Variants in IDH2 observed in about 807,000 individuals in gnomAD.
IDH2 encodes isocitrate dehydrogenase [NADP], mitochondrial.
A neutral mutation model predicts 50.5 loss-of-function variants in IDH2; 18 were observed. The observed-to-expected ratio is 0.36, with a 90% CI of 0.25 to 0.53. The LOEUF is 0.53. Among genes scored for constraint, IDH2 ranks in the 20% least tolerant of loss-of-function variants. The pLI is 0.92. For synonymous variants in IDH2, 280 were observed against 239.8 expected (o/e 1.17, Z -1.55); for missense variants, 518 against 610.7 (o/e 0.85, Z 1.60).
chr15:90,101,694 C>T (rs1239394034), intron 1 of IDH2, among the ~76,000 whole-genome samples: 1 of 150,064 alleles, frequency 6.7e-6, no homozygotes, highest in East Asian at 2.0e-4. Flanking sequence ...GGGGTGGGGG[C>T]GGCCAAACAA....
intron 1 of IDH2, among the ~76,000 whole-genome samples, chr15:90,092,342 CTTCCTTTCCTTTCT>C (rs371155026): frequency 1.2e-4 from 8 of 64,836 alleles, no homozygotes; most frequent in Non-Finnish European, 1.6e-4. Flanking sequence ...TCCTTACTTA[CTTCCTTTCCTTTCT>C]TTCCTTCCTT....
rs9652515 is a variant in IDH2, at chr15:90,098,527, C to T, written c.115+3749G>A. 0.34 allele frequency among the ~76,000 whole-genome samples: 49,590 copies of T among 144,646 alleles called. 9,300 individuals carry two copies. The highest frequency in any genetic ancestry group is 0.55 in the African/African-American group (21,318 of 39,032). The allele number at this position is 144,646 out of a possible 152,430, so 94.9% of individuals were successfully genotyped here. A position where few individuals can be genotyped will look rare whatever the true frequency, so the allele number is the denominator to read the frequency against. ...TTATGTATGTATGTATGTATGTATG[C>T]ATGCATGTATGTATGTATGTATGTA... On this transcript the variant is annotated intron_variant, in intron 1 of 10. Transcript: ENST00000330062. This position sits in a 1 kb window ranked among gnomAD's most constrained non-coding sequence, Gnocchi z 5.1.
At position 90,087,711 on chromosome 15, in the gene IDH2, C is replaced by T. The variant is rs1332481925; in HGVS notation, c.679-136G>A. 7.7e-6 allele frequency: 7 copies of T among 906,596 alleles called. No homozygotes were observed. The African/African-American group carries it at 8.1e-5, about 11-fold the overall frequency. The allele number at this position is 906,596 out of a possible 1,614,324, so 56.2% of individuals were successfully genotyped here. On this transcript the variant is annotated intron_variant, in intron 5 of 10. Coordinates refer to ENST00000330062, the MANE Select transcript of IDH2 (RefSeq NM_002168.4). The stretch of plus-strand genomic sequence containing the variant: ...CACGCGACTGTTTAACACCAGCCTC[C>T]GTGCAGTGCACACGATGTTTCTGCT...
At chr15:90,099,350 C>T (rs543718451) in intron 1 of IDH2, among the ~76,000 whole-genome samples, 1 of 152,270 alleles carries the variant, frequency 6.6e-6, no homozygotes, top group African/African-American at 2.4e-5. Flanking sequence ...CCCCCAATAC[C>T]GAAAATGGCC....
Position 90,083,982 on chromosome 15 carries a change from G to T in IDH2, c.*284C>A. On this transcript the variant is annotated 3_prime_UTR_variant, in exon 11 of 11. Transcript: ENST00000330062. ...AGGGACAAACACAGCAGACAATTTTGTGAAGAGCTTTTTAGTAGCTAAATA... is the reference window on the plus strand; with the variant it reads ...AGGGACAAACACAGCAGACAATTTTTTGAAGAGCTTTTTAGTAGCTAAATA... The T allele has an allele frequency of 2.0e-6, 1 of 506,660 alleles. No homozygotes were observed. The highest frequency in any genetic ancestry group is 3.6e-6 in the Non-Finnish European group (1 of 276,892). 31.4% of individuals were successfully genotyped at this position (506,660 alleles called of 1,614,324 possible).
At chr15:90,092,307 G>A (rs1257772951) in intron 1 of IDH2, among the ~76,000 whole-genome samples, 1 of 152,112 alleles carries the variant, frequency 6.6e-6, no homozygotes, top group African/African-American at 2.4e-5. Flanking sequence ...GGGAACTGCT[G>A]GTTTAGAGCA....
rs1026324902 is a variant in IDH2, at chr15:90,100,831, G to A, written c.115+1445C>T. On this transcript the variant is annotated intron_variant, in intron 1 of 10. Transcript: ENST00000330062. This position sits in a 1 kb window ranked among gnomAD's most constrained non-coding sequence, Gnocchi z 4.1. ...CCCATTCATAACCAACCCACATGGGGACTTCTAGAAGGGCCTGCAACTGAC... is the reference window on the plus strand; with the variant it reads ...CCCATTCATAACCAACCCACATGGGAACTTCTAGAAGGGCCTGCAACTGAC... 2 of 167,950 alleles carry A rather than the reference G, an allele frequency of 1.2e-5. No homozygotes were observed. Among genetic ancestry groups the A allele is most frequent in the African/African-American group, 4.8e-5 (2 of 41,654 alleles). 10.4% of individuals were successfully genotyped at this position (167,950 alleles called of 1,614,324 possible).
intron 1 of IDH2, among the ~76,000 whole-genome samples, chr15:90,092,329 C>T (rs1041370156): frequency 1.2e-4 from 16 of 134,654 alleles, no homozygotes; most frequent in African/African-American, 3.0e-4. Flanking sequence ...CTGGATCCAT[C>T]CATCCTTACT....
At chr15:90,090,681 T>C (rs969260594) in intron 2 of IDH2, 37 bp from the exon 3 acceptor site, 1 of 1,609,912 alleles carries the variant, frequency 6.2e-7, no homozygotes, top group Non-Finnish European at 8.5e-7. Context: ...GTCACCCCAG[T>C]GACTCAGGGA....
intron 3 of IDH2, among the ~76,000 whole-genome samples, chr15:90,089,433 C>T (rs1900972694): frequency 6.6e-6 from 1 of 152,184 alleles, no homozygotes; most frequent in Non-Finnish European, 1.5e-5. Flanking sequence ...AAGGACTTGT[C>T]TGACGAAGCC....
rs1900782861 is a variant in IDH2, at chr15:90,083,783, T to G, written c.*483A>C. 1 of 229,598 alleles carries G rather than the reference T, an allele frequency of 4.4e-6. No homozygotes were observed. Among genetic ancestry groups the G allele is most frequent in the Non-Finnish European group, 8.8e-6 (1 of 113,740 alleles). 14.2% of individuals were successfully genotyped at this position (229,598 alleles called of 1,614,324 possible). ...AAATTCCAGGGAACCCACAGGCCTG[T>G]GCCCTGAGTGTCCGAGAACTCCGCA... is the stretch of plus-strand genomic sequence containing the variant. On this transcript the variant is annotated 3_prime_UTR_variant, in exon 11 of 11. Transcript: ENST00000330062.
Position 90,102,451 on chromosome 15 carries a change from G to T in IDH2, c.-61C>A. 1.0e-6 allele frequency: 1 copy of T among 972,640 alleles called. No homozygotes were observed. Among genetic ancestry groups the T allele is most frequent in the Non-Finnish European group, 1.3e-6 (1 of 758,184 alleles). The allele number at this position is 972,640 out of a possible 1,614,324, so 60.3% of individuals were successfully genotyped here. ...GTCCGAGCGCGCGCCGCTCCTCCCG[G>T]CTGCCTGGCCGCGGGCTAACGCTGG... On this transcript the variant is annotated 5_prime_UTR_variant, in exon 1 of 11. Transcript: ENST00000330062.
At chr15:90,087,406 G>A (rs746060098) in intron 6 of IDH2, 33 bp downstream of exon 6, 1 of 1,614,096 alleles carries the variant, frequency 6.2e-7, no homozygotes. Context: ...GGGAAGGGAA[G>A]AAAGGCCACA....
At chr15:90,094,697 G>A (rs1246393470) in intron 1 of IDH2, among the ~76,000 whole-genome samples, 1 of 152,186 alleles carries the variant, frequency 6.6e-6, no homozygotes, top group Non-Finnish European at 1.5e-5. Context: ...CTCAAGGTAA[G>A]GAGTTCAAGA....
intron 6 of IDH2, 67 bp from the exon 7 acceptor site, chr15:90,087,330 G>A (rs1900886254): frequency 6.2e-7 from 1 of 1,611,076 alleles, no homozygotes; most frequent in Admixed American, 1.7e-5. Flanking sequence ...CCCTCCCTGA[G>A]CCTCGGAGCT....
At chr15:90,101,175 C>T (rs76788017) in intron 1 of IDH2, among the ~76,000 whole-genome samples, 3 of 152,080 alleles carry the variant, frequency 2.0e-5, no homozygotes, top group Non-Finnish European at 4.4e-5. Context: ...CTCCCTACCC[C>T]CCCGGCTCTA....
At chr15:90,093,470 T>C (rs1172878615) in intron 1 of IDH2, among the ~76,000 whole-genome samples, 3 of 152,200 alleles carry the variant, frequency 2.0e-5, no homozygotes, top group Non-Finnish European at 4.4e-5. Context: ...TAACTTGTGG[T>C]GATAAAGGAA....
chr15:90,098,539 T>TATGTATGCATGCATGTATGCATGC lies in IDH2; in HGVS notation c.115+3736_115+3737insGCATGCATACATGCATGCATACAT, dbSNP rs1216157149. ...GTATGTATGTATGCATGCATGTATG[T>TATGTATGCATGCATGTATGCATGC]ATGTATGTATGTATGTATGTATTGA... is the stretch of plus-strand genomic sequence containing the variant. On this transcript the variant is annotated intron_variant, in intron 1 of 10. Transcript: ENST00000330062. The surrounding 1 kb of genome is among the most constrained non-coding windows in gnomAD (Gnocchi z 5.1). Among the ~76,000 whole-genome samples the TATGTATGCATGCATGTATGCATGC allele has an allele frequency of 6.8e-6, 1 of 147,024 alleles. No individual in the cohort carries two copies. Among genetic ancestry groups the TATGTATGCATGCATGTATGCATGC allele is most frequent in the Non-Finnish European group, 1.5e-5 (1 of 66,278 alleles).
At chr15:90,089,314 C>T (rs765898739) in intron 3 of IDH2, among the ~76,000 whole-genome samples, 7 of 152,124 alleles carry the variant, frequency 4.6e-5, no homozygotes, top group Non-Finnish European at 7.3e-5. Flanking sequence ...GTCGTGAGGA[C>T]GAAATGAGCT....
Sources: allele counts gnomAD v4.1 joint callset (sites outside exome capture counted in the v4.1 genomes callset), GRCh38; gene constraint gnomAD v4.1.1; non-coding constraint Gnocchi (gnomAD v3.1); transcripts MANE v1.5; gene names NCBI Gene and HGNC (gene_info 2026-07-23, HGNC 2026-07-21).